CCDC186: variants seen among roughly 807,000 people sequenced by gnomAD.
CCDC186 encodes coiled-coil domain containing 186, also known as coiled-coil domain-containing protein 186.
A neutral mutation model predicts 113.7 loss-of-function variants in CCDC186; 49 were observed. That is an observed-to-expected ratio of 0.43 (90% CI 0.34 to 0.55). The LOEUF (loss-of-function observed/expected upper bound fraction) is 0.55. Among genes scored for constraint, CCDC186 ranks in the 20% least tolerant of loss-of-function variants. The probability of loss-of-function intolerance (pLI) is 0.02; values close to 1 mark genes in which losing one functional copy is unlikely to be tolerated. For missense variants in CCDC186, 890 were observed against 1,011.1 expected, an observed-to-expected ratio of 0.88 and a Z score of 1.62; for synonymous variants, 355 against 345.8, an observed-to-expected ratio of 1.03 and a Z score of -0.30.
intron 1 of CCDC186, among the ~76,000 whole-genome samples, chr10:114,165,174 AAT>A (rs2032299716): frequency 6.6e-6 from 1 of 152,232 alleles, no homozygotes; most frequent in Admixed American, 6.5e-5. Flanking sequence ...TCTCTGTATA[AAT>A]ATGTTTCCAA....
intron 1 of CCDC186, among the ~76,000 whole-genome samples, chr10:114,163,990 C>T (rs948624125): frequency 2.0e-5 from 3 of 149,360 alleles, no homozygotes; most frequent in Non-Finnish European, 4.4e-5. Flanking sequence ...AAAACAATGT[C>T]CAGTACAAAT....
At chr10:114,141,362 A>G (rs1240467132) in intron 6 of CCDC186, among the ~76,000 whole-genome samples, 1 of 152,202 alleles carries the variant, frequency 6.6e-6, no homozygotes, top group Non-Finnish European at 1.5e-5. Context: ...GTTTTGGGAC[A>G]TAGTAAATTT....
chr10:114,144,236 T>C (rs1026835053), intron 6 of CCDC186, among the ~76,000 whole-genome samples: 1 of 152,104 alleles, frequency 6.6e-6, no homozygotes, highest in African/African-American at 2.4e-5. Context: ...AAACTATGAA[T>C]AGTAAAATTT....
rs2030698830 is a variant in CCDC186, at chr10:114,120,932, A to G, written c.*4211T>C. 1 of 152,176 alleles carries G rather than the reference A, an allele frequency of 6.6e-6. No homozygotes were observed. Among genetic ancestry groups the G allele is most frequent in the South Asian group, 2.1e-4 (1 of 4,836 alleles). The allele number at this position is 152,176 out of a possible 1,614,324, so 9.4% of individuals were successfully genotyped here. ...GAATCCTCTTGAAAAGTTTCATTTT[A>G]TACAGAAACATATTTACAAGAAACA... On this transcript the variant is annotated 3_prime_UTR_variant, in exon 16 of 16. Transcript: ENST00000369287.
At chr10:114,159,445 C>T (rs2032100825) in intron 2 of CCDC186, among the ~76,000 whole-genome samples, 1 of 151,886 alleles carries the variant, frequency 6.6e-6, no homozygotes, top group African/African-American at 2.4e-5. Context: ...GAGACCGAGA[C>T]CACCCTGGCA....
chr10:114,160,356 G>C (rs2032135772), intron 2 of CCDC186, among the ~76,000 whole-genome samples: 1 of 152,148 alleles, frequency 6.6e-6, no homozygotes, highest in Admixed American at 6.5e-5. Flanking sequence ...GAGAAGAATG[G>C]TGCTTGCCAG....
At chr10:114,129,819 C>G (rs1449689836) in intron 13 of CCDC186, 72 bp downstream of exon 13, 3 of 1,416,514 alleles carry the variant, frequency 2.1e-6, no homozygotes, top group Admixed American at 1.7e-5. Flanking sequence ...TGTGAGCCAT[C>G]ACACCTGGCC....
intron 7 of CCDC186, 55 bp from the exon 8 acceptor site, chr10:114,136,301 C>T (rs2031259637): frequency 7.8e-7 from 1 of 1,274,828 alleles, no homozygotes; most frequent in Non-Finnish European, 1.1e-6. Flanking sequence ...TTCCCGTTTG[C>T]CCTGAGAATA....
intron 6 of CCDC186, among the ~76,000 whole-genome samples, chr10:114,141,677 A>G (rs1356144512): frequency 2.6e-5 from 4 of 152,006 alleles, no homozygotes; most frequent in Non-Finnish European, 5.9e-5. Context: ...GCACGCACAC[A>G]TGTACTGATC....
intron 4 of CCDC186, among the ~76,000 whole-genome samples, chr10:114,149,419 G>A (rs971686946): frequency 6.6e-6 from 1 of 152,084 alleles, no homozygotes; most frequent in East Asian, 1.9e-4. Context: ...CCTTTAGGAA[G>A]GGGGTAAAAT....
At chr10:114,152,107 G>A (rs927401615) in intron 3 of CCDC186, among the ~76,000 whole-genome samples, 8 of 152,202 alleles carry the variant, frequency 5.3e-5, no homozygotes, top group African/African-American at 1.9e-4. Flanking sequence ...TTGGAAAGCT[G>A]AGGAGAGGGA....
intron 2 of CCDC186, among the ~76,000 whole-genome samples, chr10:114,158,084 G>A (rs1179780834): frequency 6.6e-6 from 1 of 152,180 alleles, no homozygotes; most frequent in Non-Finnish European, 1.5e-5. Flanking sequence ...TCCTAACAAG[G>A]GTAGGGGCTG....
At chr10:114,161,645 A>T (rs957965183) in intron 2 of CCDC186, 44 of 152,154 alleles carry the variant, frequency 2.9e-4, no homozygotes, top group African/African-American at 1.0e-3. Flanking sequence ...CACATAATAT[A>T]GTATTACAGT....
chr10:114,168,982 G>GTGCAGGCAC (rs71007464), intron 1 of CCDC186, among the ~76,000 whole-genome samples: 13,043 of 152,146 alleles, frequency 0.086, 659 homozygotes, highest in Middle Eastern at 0.15. Context: ...CTATTAATAT[G>GTGCAGGCAC]TATTCTAGGT....
chr10:114,170,213 A>G (rs1476105372), intron 1 of CCDC186, among the ~76,000 whole-genome samples: 1 of 152,228 alleles, frequency 6.6e-6, no homozygotes, highest in African/African-American at 2.4e-5. Context: ...CTGCTTTTAA[A>G]AGATAAAAAC....
At chr10:114,130,719 A>C (rs71484922) in intron 12 of CCDC186, 1 of 152,414 alleles carries the variant, frequency 6.6e-6, no homozygotes, top group Non-Finnish European at 1.5e-5. Context: ...AGATATCAGA[A>C]CTGCTATTTA....
intron 4 of CCDC186, among the ~76,000 whole-genome samples, chr10:114,149,830 AAGGCAGGAAGGCAGGCAGGCAGGCAGG>A (rs2031789107): frequency 1.8e-5 from 2 of 109,858 alleles, no homozygotes; most frequent in Non-Finnish European, 3.8e-5. Context: ...GGAAGGCAGG[AAGGCAGGAAGGCAGGCAGGCAGGCAGG>A]AAGGCAGGCA....
intron 6 of CCDC186, among the ~76,000 whole-genome samples, chr10:114,140,336 G>A (rs1303883044): frequency 1.3e-5 from 2 of 152,202 alleles, no homozygotes; most frequent in African/African-American, 2.4e-5. Context: ...TGAAGGACTG[G>A]ATATGCTAAC....
intron 2 of CCDC186, among the ~76,000 whole-genome samples, chr10:114,159,635 C>T (rs561836877): frequency 1.5e-3 from 193 of 126,292 alleles, no homozygotes; most frequent in South Asian, 2.8e-3. Context: ...AGCGAGACTC[C>T]GTCTCAAAAA....
Sources: gnomAD v4.1 joint callset for allele counts (sites outside exome capture counted in the v4.1 genomes callset) on GRCh38, gnomAD v4.1.1 for gene constraint, MANE v1.5 for transcripts, NCBI Gene and HGNC (gene_info 2026-07-23, HGNC 2026-07-21) for gene names.